NEGR1: variants seen among roughly 807,000 people sequenced by gnomAD.
The protein encoded by NEGR1 is IgLON family member 4.
NEGR1 carries 10 observed loss-of-function variants against 40.9 expected under a neutral mutation model. The observed-to-expected ratio is 0.24, with a 90% CI of 0.15 to 0.42. NEGR1 has a LOEUF of 0.42. Ranked by LOEUF, NEGR1 falls within the 10% of genes least tolerant of loss-of-function variation. The pLI, the probability that NEGR1 is intolerant of heterozygous loss-of-function variation, is 1.00. For synonymous variants in NEGR1, 185 were observed against 166.8 expected, an observed-to-expected ratio of 1.11 and a Z score of -0.84; for missense variants, 352 against 438.9, an observed-to-expected ratio of 0.80 and a Z score of 1.77.
chr1:71,672,930 A>G (rs1364675864), intron 4 of NEGR1, among the ~76,000 whole-genome samples: 4 of 152,154 alleles, frequency 2.6e-5, no homozygotes, highest in African/African-American at 9.7e-5. Context: ...AACCCAACAA[A>G]AGCCACTTAG....
intron 6 of NEGR1, among the ~76,000 whole-genome samples, chr1:71,536,399 C>T (rs572955314): frequency 9.9e-5 from 15 of 151,666 alleles, no homozygotes; most frequent in African/African-American, 2.4e-4. Flanking sequence ...TGAAAAGAGC[C>T]GGGAATCTTA....
At chr1:71,646,782 G>T (rs1193329984) in intron 4 of NEGR1, among the ~76,000 whole-genome samples, 1 of 151,730 alleles carries the variant, frequency 6.6e-6, no homozygotes, top group African/African-American at 2.4e-5. Flanking sequence ...TACTGAGAGG[G>T]CTCTTCAGGG....
At chr1:72,006,036 C>T (rs1646604034) in intron 1 of NEGR1, among the ~76,000 whole-genome samples, 1 of 152,072 alleles carries the variant, frequency 6.6e-6, no homozygotes, top group African/African-American at 2.4e-5. Context: ...GATGGGCTAC[C>T]AGATTTGCCA....
At chr1:71,654,704 A>C (rs1038610767) in intron 4 of NEGR1, among the ~76,000 whole-genome samples, 6 of 152,216 alleles carry the variant, frequency 3.9e-5, no homozygotes, top group South Asian at 2.1e-4. Context: ...CAAGTGATAG[A>C]TAATTTATGA....
chr1:71,982,535 C>T (rs925116373), intron 1 of NEGR1, among the ~76,000 whole-genome samples: 2 of 152,078 alleles, frequency 1.3e-5, no homozygotes, highest in African/African-American at 4.8e-5. Context: ...ATTTGCTTTC[C>T]CAATTGCTTA....
chr1:72,018,675 G>C (rs570501910), intron 1 of NEGR1, among the ~76,000 whole-genome samples: 19 of 152,278 alleles, frequency 1.2e-4, no homozygotes, highest in South Asian at 6.2e-4. Context: ...AAAAGAAACT[G>C]GCAGCGGCTG....
intron 1 of NEGR1, among the ~76,000 whole-genome samples, chr1:72,120,824 T>C (rs1295945420): frequency 6.6e-6 from 1 of 152,078 alleles, no homozygotes; most frequent in African/African-American, 2.4e-5. Context: ...GTTTTGCTTA[T>C]GGTTTGCAAT....
At chr1:72,102,075 C>G (rs534310476) in intron 1 of NEGR1, among the ~76,000 whole-genome samples, 1 of 152,044 alleles carries the variant, frequency 6.6e-6, no homozygotes, top group Admixed American at 6.6e-5. Context: ...AGTATTTGAT[C>G]GCTAGAAGAG....
At chr1:71,772,478 A>G (rs577493773) in intron 3 of NEGR1, among the ~76,000 whole-genome samples, 1 of 152,198 alleles carries the variant, frequency 6.6e-6, no homozygotes, top group African/African-American at 2.4e-5. Context: ...ACACTGAGAA[A>G]TTAAATTAGA....
intron 6 of NEGR1, among the ~76,000 whole-genome samples, chr1:71,535,228 T>G (rs956695721): frequency 1.3e-5 from 2 of 151,680 alleles, no homozygotes; most frequent in African/African-American, 2.4e-5. Flanking sequence ...GTTCCGTAAC[T>G]TGGACATGTG....
rs558219499 is a variant in NEGR1 at position 71,680,478 on chromosome 1, T to C, written c.667+17530A>G. 2.0e-5 allele frequency among the ~76,000 whole-genome samples: 3 copies of C among 152,264 alleles called. No individual in the cohort carries two copies. The South Asian group carries it at 6.2e-4, about 32-fold the overall frequency. ...TGTCTCTATTTCATTTCTAATTTTC[T>C]ACTTTCACAAGATGCCACAGATAAA... is the stretch of plus-strand genomic sequence containing the variant. On this transcript the variant is annotated intron_variant, in intron 4 of 6. Transcript: ENST00000357731.
At chr1:71,481,672 T>C (rs1228332359) in intron 6 of NEGR1, among the ~76,000 whole-genome samples, 3 of 152,066 alleles carry the variant, frequency 2.0e-5, no homozygotes, top group East Asian at 3.9e-4. Context: ...CACAACCACT[T>C]TGTAAATATT....
At chr1:72,098,936 A>C (rs2100239521) in intron 1 of NEGR1, among the ~76,000 whole-genome samples, 2 of 152,184 alleles carry the variant, frequency 1.3e-5, no homozygotes, top group African/African-American at 4.8e-5. Flanking sequence ...TAAACTTTTG[A>C]GTATGATTAA....
chr1:71,613,274 A>AG (rs1650325503), intron 4 of NEGR1, among the ~76,000 whole-genome samples: 1 of 152,142 alleles, frequency 6.6e-6, no homozygotes, highest in African/African-American at 2.4e-5. Flanking sequence ...AGAGAAAAAA[A>AG]GAGGAGTCAA....
At chr1:71,551,088 T>C (rs765081804) in intron 6 of NEGR1, among the ~76,000 whole-genome samples, 1 of 151,572 alleles carries the variant, frequency 6.6e-6, no homozygotes. Context: ...TAAATAACAT[T>C]GCATATTCCA....
At position 72,194,731 on chromosome 1, in the gene NEGR1, C is replaced by T. The variant is rs1328863919; in HGVS notation, c.176+87588G>A. On this transcript the variant is annotated intron_variant, in intron 1 of 6. Coordinates refer to ENST00000357731, the MANE Select transcript of NEGR1 (RefSeq NM_173808.3). Reference sequence around the variant, plus strand: ...CAAAGGGGATTTTATATTTGTCTTCCTTCTGTCTATTCATCTAAAGATTCT... The same window carrying T: ...CAAAGGGGATTTTATATTTGTCTTCTTTCTGTCTATTCATCTAAAGATTCT... Among the ~76,000 whole-genome samples the T allele has an allele frequency of 9.2e-5, 14 of 152,140 alleles. No homozygotes were observed. In the South Asian group the frequency reaches 2.1e-3, roughly 22 times the overall value.
intron 1 of NEGR1, among the ~76,000 whole-genome samples, chr1:71,982,398 G>T (rs1039589761): frequency 6.6e-6 from 1 of 152,090 alleles, no homozygotes; most frequent in Non-Finnish European, 1.5e-5. Flanking sequence ...ATAGCACAGT[G>T]GACACAGCAT....
chr1:71,732,456 T>G (rs1654909381), intron 3 of NEGR1, among the ~76,000 whole-genome samples: 1 of 151,878 alleles, frequency 6.6e-6, no homozygotes, highest in Non-Finnish European at 1.5e-5. Context: ...GTTACTGCCT[T>G]AAATTAATTA....
chr1:71,941,489 T>C (rs1377065002), intron 1 of NEGR1, among the ~76,000 whole-genome samples: 2 of 152,176 alleles, frequency 1.3e-5, no homozygotes, highest in East Asian at 3.8e-4. Flanking sequence ...ATATTTAAAA[T>C]TCTCTTTTAC....
Sources: gnomAD v4.1 joint callset for allele counts (sites outside exome capture counted in the v4.1 genomes callset) on GRCh38, gnomAD v4.1.1 for gene constraint, MANE v1.5 for transcripts, NCBI Gene and HGNC (gene_info 2026-07-23, HGNC 2026-07-21) for gene names.